The following JMJD1C variants were observed in gnomAD, a reference collection of about 807,000 sequenced individuals.
The protein encoded by JMJD1C is jumonji domain-containing protein 1C.
Under a neutral mutation model 245.3 loss-of-function variants are expected in JMJD1C, and 31 were observed. The ratio of observed to expected loss-of-function variants is 0.13; its 90% confidence interval spans 0.09 to 0.17. JMJD1C has a LOEUF of 0.17. Ranked by LOEUF, JMJD1C falls within the 10% of genes least tolerant of loss-of-function variation. JMJD1C has a pLI of 1.00. For synonymous variants in JMJD1C, 1,057 were observed against 1,017.4 expected, an observed-to-expected ratio of 1.04 and a Z score of -0.74; for missense variants, 2,691 against 3,000.2, an observed-to-expected ratio of 0.90 and a Z score of 2.41.
intron 2 of JMJD1C, among the ~76,000 whole-genome samples, chr10:63,306,812 A>C (rs1358821278): frequency 2.6e-5 from 4 of 152,222 alleles, no homozygotes; most frequent in African/African-American, 4.8e-5. Flanking sequence ...AAATACAATG[A>C]TAAATAAGGT....
At chr10:63,425,082 C>T (rs1166965478) in intron 1 of JMJD1C, among the ~76,000 whole-genome samples, 2 of 152,074 alleles carry the variant, frequency 1.3e-5, no homozygotes, top group Non-Finnish European at 2.9e-5. Flanking sequence ...AACTACTTAA[C>T]TGCTATTTCT....
At position 63,208,565 on chromosome 10, in the gene JMJD1C, A is replaced by C. The variant is rs756475530; in HGVS notation, c.3104T>G (p.Phe1035Cys). ...CTCAAGTCCCTTGATTTTAGTTGTA[A>C]AGGGAGCAACATCAATACTTTCTTG... ...ILQESIDVAP[F>C]TTKIKGLEGE... is the part of the protein sequence containing the mutation. The change falls in exon 10 of 26, where the codon TTT becomes TGT. Residue 1035 changes from phenylalanine to cysteine, a missense_variant. Phe to Cys is a radical substitution (Grantham distance 205). This residue lies in a region of JMJD1C where 1,562 missense variants were observed against 1,490.7 expected (regional missense o/e 1.05). Transcript: ENST00000399262. 36 of 1,613,954 alleles carry C rather than the reference A, an allele frequency of 2.2e-5. No homozygotes were observed. The highest frequency in any genetic ancestry group is 3.3e-5 in the Admixed American group (2 of 59,994).
chr10:63,291,055 C>A (rs1340841463), intron 2 of JMJD1C, among the ~76,000 whole-genome samples: 1 of 151,922 alleles, frequency 6.6e-6, no homozygotes, highest in Non-Finnish European at 1.5e-5. Context: ...ATTTCTAATC[C>A]CAGCACTTTG....
intron 1 of JMJD1C, among the ~76,000 whole-genome samples, chr10:63,433,751 A>C (rs570372332): frequency 6.6e-6 from 1 of 151,106 alleles, no homozygotes; most frequent in East Asian, 1.9e-4. Context: ...ACATGCAGTT[A>C]ATTATTTTTT....
intron 1 of JMJD1C, among the ~76,000 whole-genome samples, chr10:63,385,186 C>T (rs990830487): frequency 1.3e-5 from 2 of 152,024 alleles, no homozygotes; most frequent in Non-Finnish European, 2.9e-5. Context: ...CCTTCTTATA[C>T]GGGTGTGGCT....
In JMJD1C at chr10:63,186,390, AATAG is replaced by A. The variant is rs763592727; in HGVS notation, c.6571-11_6571-8del. ...CACCAGAAACCACTGCAGGCTTATA[AATAG>A]ATAAATAAATAACAGTTAAAAGATA... On this transcript the variant is annotated splice_polypyrimidine_tract_variant and splice_region_variant and intron_variant, in intron 18 of 25. Transcript: ENST00000399262. 8.3e-6 allele frequency: 13 copies of A among 1,575,014 alleles called. No homozygotes were observed. In the South Asian group the frequency reaches 1.1e-4, roughly 13 times the overall value.
intron 1 of JMJD1C, among the ~76,000 whole-genome samples, chr10:63,443,357 G>A (rs571165970): frequency 7.3e-4 from 111 of 152,162 alleles, no homozygotes; most frequent in Non-Finnish European, 1.3e-3. Flanking sequence ...TGTCACCCAC[G>A]CTGGGATGCA....
chr10:63,254,643 C>T (rs1853593362), intron 3 of JMJD1C, among the ~76,000 whole-genome samples: 1 of 151,992 alleles, frequency 6.6e-6, no homozygotes, highest in Non-Finnish European at 1.5e-5. Context: ...TGGGCTCAAG[C>T]AATCCTCCCA....
At chr10:63,172,697 C>G (rs1842483551) in intron 24 of JMJD1C, among the ~76,000 whole-genome samples, 1 of 151,342 alleles carries the variant, frequency 6.6e-6, no homozygotes, top group Non-Finnish European at 1.5e-5. Flanking sequence ...CAGCTTTAAA[C>G]TAGACCTCAC....
chr10:63,302,984 A>AG (rs765673262), intron 2 of JMJD1C, among the ~76,000 whole-genome samples: 3 of 152,212 alleles, frequency 2.0e-5, no homozygotes, highest in Non-Finnish European at 4.4e-5. Flanking sequence ...CTTGGGCTCA[A>AG]GGGATCCTCC....
chr10:63,348,235 TC>T (rs1944027451), intron 2 of JMJD1C, among the ~76,000 whole-genome samples: 1 of 148,752 alleles, frequency 6.7e-6, no homozygotes, highest in African/African-American at 2.5e-5. Context: ...CATTCAAATG[TC>T]ATCAAGACAT....
At position 63,207,181 on chromosome 10, in the gene JMJD1C, A is replaced by G. The variant is rs752100806; in HGVS notation, c.4488T>C (p.Ser1496=). 2.6e-5 allele frequency: 42 copies of G among 1,614,042 alleles called. No individual in the cohort carries two copies. The South Asian group carries it at 4.0e-4, about 15-fold the overall frequency. The change falls in exon 10 of 26, where the codon AGT becomes AGC. Residue 1496 remains serine (S), a synonymous_variant. Transcript: ENST00000399262. ...TAGGTTCAGTCTCACTGGCATTACTACTTTTATACTGAGCTGCAGCCAATG... is the reference window on the plus strand; with the variant it reads ...TAGGTTCAGTCTCACTGGCATTACTGCTTTTATACTGAGCTGCAGCCAATG... ...KAALAAAQYK[S]SNASETEPNA... is the part of the protein sequence containing the mutation.
chr10:63,281,453 C>T (rs10761734), intron 2 of JMJD1C, among the ~76,000 whole-genome samples: 85,275 of 128,902 alleles, frequency 0.66, 30,713 homozygotes, highest in Non-Finnish European at 0.81. Context: ...GCCACTGCGC[C>T]TGGCCTTTTT....
intron 2 of JMJD1C, among the ~76,000 whole-genome samples, chr10:63,320,922 T>C (rs567177000): frequency 2.0e-5 from 3 of 152,136 alleles, no homozygotes; most frequent in Non-Finnish European, 4.4e-5. Context: ...AGTTGGAAAG[T>C]TCATAGCCCC....
At chr10:63,421,558 T>C (rs1950127870) in intron 1 of JMJD1C, among the ~76,000 whole-genome samples, 1 of 152,148 alleles carries the variant, frequency 6.6e-6, no homozygotes, top group Non-Finnish European at 1.5e-5. Flanking sequence ...CATTTGTACT[T>C]TGTGTACTTT....
chr10:63,175,277 T>C lies in JMJD1C; in HGVS notation c.7401+1020A>G, dbSNP rs79458504. Among the ~76,000 whole-genome samples the C allele has an allele frequency of 4.0e-4, 61 of 152,280 alleles. 1 individual carries two copies. The East Asian group carries it at 0.01, about 26-fold the overall frequency. On this transcript the variant is annotated intron_variant, in intron 24 of 25. Transcript: ENST00000399262. ...TCCCAGATTAAACATGAAACATAAA[T>C]AATATGACATCTCTGAAATAATCAT...
intron 2 of JMJD1C, among the ~76,000 whole-genome samples, chr10:63,306,168 C>A (rs1938198676): frequency 1.3e-5 from 2 of 152,122 alleles, no homozygotes; most frequent in African/African-American, 4.8e-5. Flanking sequence ...CGACTCACTG[C>A]AACCTCCGCC....
intron 2 of JMJD1C, among the ~76,000 whole-genome samples, chr10:63,349,373 G>A (rs1944143587): frequency 1.3e-5 from 2 of 152,212 alleles, no homozygotes; most frequent in Admixed American, 1.3e-4. Flanking sequence ...TCTGTTAACA[G>A]AAGTTATCGA....
At position 63,386,943 on chromosome 10, in the gene JMJD1C, A is replaced by T. The variant is rs7895054; in HGVS notation, c.169-6461T>A. On this transcript the variant is annotated intron_variant, in intron 1 of 25. Transcript: ENST00000399262. ...CAAAACAGACATGATCTTCTGACTA[A>T]CACCAAAGGAGCCCAAAGTGGCCCA... Among the ~76,000 whole-genome samples, 1,046 of 152,286 alleles carry T rather than the reference A, an allele frequency of 6.9e-3. 7 individuals carry two copies. Among genetic ancestry groups the T allele is most frequent in the Non-Finnish European group, 0.012 (803 of 68,040 alleles).
Sources: gnomAD v4.1 joint callset for allele counts (sites outside exome capture counted in the v4.1 genomes callset) on GRCh38, gnomAD v4.1.1 for gene constraint, gnomAD v4.1.1 regional missense constraint, MANE v1.5 for transcripts, NCBI Gene and HGNC (gene_info 2026-07-23, HGNC 2026-07-21) for gene names.